SYNE1: variants seen among roughly 807,000 people sequenced by gnomAD.
The protein encoded by SYNE1 is nesprin-1.
In SYNE1, 616 loss-of-function variants were observed where a neutral mutation model predicts 1,111.0. That is an observed-to-expected ratio of 0.55 (90% CI 0.52 to 0.59). SYNE1 has a LOEUF of 0.59. SYNE1 is among the 20% of genes least tolerant of loss of function. The pLI, the probability that SYNE1 is intolerant of heterozygous loss-of-function variation, is 0.00. For synonymous variants in SYNE1, 3,855 were observed against 3,825.8 expected, an observed-to-expected ratio of 1.01 and a Z score of -0.28; for missense variants, 10,006 against 10,417.0, an observed-to-expected ratio of 0.96 and a Z score of 1.72.
chr6:152,132,105 G>A lies in SYNE1; in HGVS notation c.26094+17C>T, dbSNP rs914011908. 14 of 1,612,280 alleles carry A rather than the reference G, an allele frequency of 8.7e-6. No homozygotes were observed. The highest frequency in any genetic ancestry group is 2.2e-5 in the East Asian group (1 of 44,854). On this transcript the variant is annotated intron_variant, in intron 144 of 145. Transcript: ENST00000367255. ...TCACTCCCATGGGCCAACTGAAAAC[G>A]ACCAGTGGAAAGTTACCGTTTTCTG...
At chr6:152,216,469 A>G (rs944676924) in intron 121 of SYNE1, among the ~76,000 whole-genome samples, 4 of 152,194 alleles carry the variant, frequency 2.6e-5, no homozygotes, top group African/African-American at 7.2e-5. Flanking sequence ...GAACAAAATG[A>G]CCAGGACTTT....
intron 3 of SYNE1, among the ~76,000 whole-genome samples, chr6:152,583,839 G>T (rs1183116717): frequency 1.3e-5 from 2 of 152,206 alleles, no homozygotes; most frequent in Non-Finnish European, 2.9e-5. Flanking sequence ...TGGGCCTGCG[G>T]CAGAGAGTAA....
chr6:152,465,147 T>C, intron 18 of SYNE1, 111 bp downstream of exon 18: 2 of 1,246,688 alleles, frequency 1.6e-6, no homozygotes, highest in Non-Finnish European at 2.3e-6. Context: ...AAAGTCAAGA[T>C]TCTTGAGTGA....
chr6:152,140,042 G>A lies in SYNE1; in HGVS notation c.25366C>T (p.Leu8456=), dbSNP rs772087424. The A allele has an allele frequency of 6.2e-7, 1 of 1,614,196 alleles. No individual in the cohort carries two copies. The highest frequency in any genetic ancestry group is 1.7e-5 in the Admixed American group (1 of 60,024). Reference sequence around the variant, plus strand: ...TCCAACTCCTCCTCCGTGTCCCCCAGCCAGGCCCAGATGCTGTTCAAGTCT... The same window carrying A: ...TCCAACTCCTCCTCCGTGTCCCCCAACCAGGCCCAGATGCTGTTCAAGTCT... ...NSDLNSIWAW[L]GDTEEELEQL... The change falls in exon 140 of 146, where the codon CTG becomes TTG. Residue 8456 remains leucine (L), a synonymous_variant. Transcript: ENST00000367255.
intron 2 of SYNE1, among the ~76,000 whole-genome samples, chr6:152,632,702 T>C (rs2099699928): frequency 6.6e-6 from 1 of 152,188 alleles, no homozygotes; most frequent in Non-Finnish European, 1.5e-5. Flanking sequence ...TTAAGAAAAA[T>C]GAGCTTTTCT....
Position 152,354,950 on chromosome 6 carries a change from C to T in SYNE1, c.10635G>A (p.Gly3545=), listed in dbSNP as rs1288266964. Residue 3545 remains glycine, a synonymous_variant, in exon 67 of 146, where the codon GGG becomes GGA. Coordinates refer to ENST00000367255, the MANE Select transcript of SYNE1 (RefSeq NM_182961.4). ...GCAGCACTGAGTTCAACAGGGCCTG[C>T]CCCTCTGCACAGTGTACCTGTAGCT... is the stretch of plus-strand genomic sequence containing the variant. The part of the protein sequence containing the change: ...LQELQVHCAE[G]QALLNSVLHT... 2 of 1,613,890 alleles carry T rather than the reference C, an allele frequency of 1.2e-6. No individual in the cohort carries two copies. The highest frequency in any genetic ancestry group is 8.5e-7 in the Non-Finnish European group (1 of 1,180,024).
chr6:152,616,317 T>C (rs1321217215), intron 3 of SYNE1, among the ~76,000 whole-genome samples: 1 of 152,138 alleles, frequency 6.6e-6, no homozygotes, highest in Admixed American at 6.5e-5. Context: ...CTCACACCTG[T>C]AATCCCAACA....
At chr6:152,250,242 T>C (rs2088750044) in intron 104 of SYNE1, among the ~76,000 whole-genome samples, 1 of 151,824 alleles carries the variant, frequency 6.6e-6, no homozygotes, top group South Asian at 2.1e-4. Flanking sequence ...CCAGCCTGGG[T>C]GACTTTATCT....
chr6:152,480,868 G>C (rs1027610603), intron 14 of SYNE1: 1 of 445,750 alleles, frequency 2.2e-6, no homozygotes, highest in African/African-American at 2.0e-5. Context: ...CTCTCTCCCT[G>C]ATCCACTTCA....
intron 2 of SYNE1, among the ~76,000 whole-genome samples, chr6:152,629,908 A>G (rs2099695037): frequency 6.6e-6 from 1 of 152,120 alleles, no homozygotes; most frequent in Non-Finnish European, 1.5e-5. Context: ...TTCCTGAAGG[A>G]AAAAAGAAAA....
At chr6:152,227,082 T>G (rs2081763352) in intron 115 of SYNE1, among the ~76,000 whole-genome samples, 1 of 152,150 alleles carries the variant, frequency 6.6e-6, no homozygotes, top group Non-Finnish European at 1.5e-5. Context: ...GCTGATAAGG[T>G]GTTAATGAGG....
chr6:152,568,250 G>A (rs1161337583), intron 3 of SYNE1, among the ~76,000 whole-genome samples: 1 of 144,312 alleles, frequency 6.9e-6, no homozygotes, highest in East Asian at 2.0e-4. Context: ...GGGAAAATAT[G>A]TGCTAAAAAT....
At chr6:152,398,813 C>T in intron 48 of SYNE1, 82 bp from the exon 49 acceptor site, 1 of 1,043,264 alleles carries the variant, frequency 9.6e-7, no homozygotes, top group South Asian at 1.4e-5. Flanking sequence ...AGGATTACCA[C>T]ATGAATTATT....
chr6:152,311,622 C>G (rs908057743), intron 87 of SYNE1, among the ~76,000 whole-genome samples: 11 of 152,054 alleles, frequency 7.2e-5, no homozygotes, highest in Admixed American at 3.3e-4. Context: ...TGGGATCTGA[C>G]AGATGAGGGG....
chr6:152,596,315 G>A (rs576974781), intron 3 of SYNE1, among the ~76,000 whole-genome samples: 12 of 143,800 alleles, frequency 8.3e-5, no homozygotes, highest in Admixed American at 7.9e-4. Context: ...TTGCCCAGGC[G>A]ATCTCAGCTC....
chr6:152,597,172 C>A (rs746856063), intron 3 of SYNE1, among the ~76,000 whole-genome samples: 9 of 152,206 alleles, frequency 5.9e-5, no homozygotes, highest in Non-Finnish European at 1.3e-4. Flanking sequence ...TTTTGAGCAA[C>A]ATGTTTTCCC....
intron 93 of SYNE1, among the ~76,000 whole-genome samples, chr6:152,300,144 G>A (rs558488247): frequency 6.6e-6 from 1 of 152,106 alleles, no homozygotes; most frequent in Non-Finnish European, 1.5e-5. Context: ...AGGCATTCTA[G>A]TATAAATATG....
intron 3 of SYNE1, among the ~76,000 whole-genome samples, chr6:152,551,941 A>G (rs2099348471): frequency 6.6e-6 from 1 of 152,204 alleles, no homozygotes. Context: ...TGCTTTTGCA[A>G]GAAAGCCACC....
intron 56 of SYNE1, among the ~76,000 whole-genome samples, chr6:152,377,348 G>T (rs184698803): frequency 1.3e-5 from 2 of 151,612 alleles, no homozygotes; most frequent in Non-Finnish European, 2.9e-5. Context: ...GGTGGCTCAC[G>T]CCTGTAATTC....
Sources: allele counts gnomAD v4.1 joint callset (sites outside exome capture counted in the v4.1 genomes callset), GRCh38; gene constraint gnomAD v4.1.1; transcripts MANE v1.5; gene names NCBI Gene and HGNC (gene_info 2026-07-23, HGNC 2026-07-21).